PAG1: variants seen among roughly 807,000 people sequenced by gnomAD.
PAG1 encodes phosphoprotein associated with glycosphingolipid-enriched microdomains 1.
PAG1 carries 23 observed loss-of-function variants against 31.7 expected under a neutral mutation model. That is an observed-to-expected ratio of 0.73 (90% CI 0.52 to 1.03). The LOEUF (loss-of-function observed/expected upper bound fraction) is 1.03. Ranked by LOEUF, PAG1 falls within the 50% of genes least tolerant of loss-of-function variation. PAG1 has a pLI of 0.00. For synonymous variants in PAG1, 214 were observed against 210.3 expected, an observed-to-expected ratio of 1.02 and a Z score of -0.15; for missense variants, 473 against 540.7, an observed-to-expected ratio of 0.87 and a Z score of 1.24.
Position 81,004,900 on chromosome 8 carries a change from A to G in PAG1, c.-80-11593T>C, listed in dbSNP as rs186022141. Among the ~76,000 whole-genome samples the G allele has an allele frequency of 3.7e-4, 56 of 152,346 alleles. No individual in the cohort carries two copies. The East Asian group carries it at 0.01, about 28-fold the overall frequency. Reference sequence around the variant, plus strand: ...CCCACGCATGCACTTGACCACAGCCAGGGCCAGCCGGCCTCTGAGGATGGG... The same window carrying G: ...CCCACGCATGCACTTGACCACAGCCGGGGCCAGCCGGCCTCTGAGGATGGG... On this transcript the variant is annotated intron_variant, in intron 3 of 8. Transcript: ENST00000220597.
chr8:81,110,248 T>G (rs977176703), intron 1 of PAG1, among the ~76,000 whole-genome samples: 1 of 152,236 alleles, frequency 6.6e-6, no homozygotes, highest in South Asian at 2.1e-4. Context: ...TGTGTATATA[T>G]ATTTAGCAGG....
At chr8:81,016,762 CT>C (rs1207303186) in intron 3 of PAG1, among the ~76,000 whole-genome samples, 2 of 152,206 alleles carry the variant, frequency 1.3e-5, no homozygotes, top group African/African-American at 4.8e-5. Context: ...TTCCCCACTC[CT>C]TGTGTCTAGA....
At chr8:81,036,388 G>GAA (rs201460218) in intron 2 of PAG1, among the ~76,000 whole-genome samples, 1 of 150,708 alleles carries the variant, frequency 6.6e-6, no homozygotes, top group Non-Finnish European at 1.5e-5. Context: ...ACTTTTGGTA[G>GAA]AAAAAAAAAT....
At chr8:81,018,999 T>C (rs184572916) in intron 3 of PAG1, among the ~76,000 whole-genome samples, 1 of 152,208 alleles carries the variant, frequency 6.6e-6, no homozygotes, top group Admixed American at 6.5e-5. Flanking sequence ...GATAGTGATA[T>C]GGACAATAAA....
intron 3 of PAG1, among the ~76,000 whole-genome samples, chr8:81,012,382 T>C (rs1346155139): frequency 6.6e-6 from 1 of 152,212 alleles, no homozygotes; most frequent in Non-Finnish European, 1.5e-5. Flanking sequence ...GTCAGCTCCA[T>C]TCAGTATCTT....
At chr8:81,088,741 C>G (rs1167823951) in intron 1 of PAG1, among the ~76,000 whole-genome samples, 2 of 152,116 alleles carry the variant, frequency 1.3e-5, no homozygotes, top group Non-Finnish European at 2.9e-5. Context: ...AAGAAGCTAG[C>G]TTAACATGCC....
At chr8:81,037,001 T>C (rs1808472600) in intron 2 of PAG1, 1 of 151,856 alleles carries the variant, frequency 6.6e-6, no homozygotes, top group African/African-American at 2.4e-5. Flanking sequence ...CAAGAAAGAG[T>C]AGTTCACAGA....
intron 2 of PAG1, among the ~76,000 whole-genome samples, chr8:81,034,496 A>G (rs1808430727): frequency 6.6e-6 from 1 of 152,226 alleles, no homozygotes; most frequent in East Asian, 1.9e-4. Context: ...CTATGTTGCA[A>G]TGGAAATAAA....
At chr8:80,981,882 T>TTG (rs1563615068) in intron 7 of PAG1, among the ~76,000 whole-genome samples, 23 of 132,144 alleles carry the variant, frequency 1.7e-4, no homozygotes, top group Non-Finnish European at 2.0e-4. Context: ...TTTTTTTTTT[T>TTG]TTTGACAGCG....
At chr8:81,042,856 T>C (rs1036531862) in intron 2 of PAG1, among the ~76,000 whole-genome samples, 2 of 152,110 alleles carry the variant, frequency 1.3e-5, no homozygotes, top group Non-Finnish European at 2.9e-5. Context: ...GGTGGCTGTA[T>C]ACACTCTTTA....
At chr8:81,065,545 C>G (rs1808989499) in intron 2 of PAG1, among the ~76,000 whole-genome samples, 1 of 152,120 alleles carries the variant, frequency 6.6e-6, no homozygotes, top group Non-Finnish European at 1.5e-5. Context: ...ATGAAACTAG[C>G]TTTTACGTCA....
At chr8:81,076,440 C>T (rs1474049863) in intron 1 of PAG1, among the ~76,000 whole-genome samples, 2 of 152,198 alleles carry the variant, frequency 1.3e-5, no homozygotes, top group Non-Finnish European at 2.9e-5. Context: ...CCTATGTACA[C>T]ACACAGTGCT....
At chr8:81,012,719 A>G (rs895861058) in intron 3 of PAG1, among the ~76,000 whole-genome samples, 1 of 152,248 alleles carries the variant, frequency 6.6e-6, no homozygotes, top group Non-Finnish European at 1.5e-5. Context: ...TGAATATATT[A>G]TATATACATT....
chr8:81,054,308 G>A (rs1808778950), intron 2 of PAG1, among the ~76,000 whole-genome samples: 1 of 151,900 alleles, frequency 6.6e-6, no homozygotes, highest in South Asian at 2.1e-4. Flanking sequence ...TGAGAAATGG[G>A]GCAGGTTATT....
At position 80,974,234 on chromosome 8, in the gene PAG1, A is replaced by G. The variant is rs1019728856; in HGVS notation, c.*2310T>C. The G allele has an allele frequency of 3.3e-5, 5 of 151,684 alleles. No homozygotes were observed. The highest frequency in any genetic ancestry group is 1.2e-4 in the African/African-American group (5 of 41,242). 9.4% of individuals were successfully genotyped at this position (151,684 alleles called of 1,614,324 possible). A position where few individuals can be genotyped will look rare whatever the true frequency, so the allele number is the denominator to read the frequency against. ...GATAAGTAAGGCATGAAATGAAACAAAAGTTTTGAGCTGTAAGGTGCCTAT... is the reference window on the plus strand; with the variant it reads ...GATAAGTAAGGCATGAAATGAAACAGAAGTTTTGAGCTGTAAGGTGCCTAT... On this transcript the variant is annotated 3_prime_UTR_variant, in exon 9 of 9. Transcript: ENST00000220597.
intron 1 of PAG1, among the ~76,000 whole-genome samples, chr8:81,070,883 C>G (rs192897982): frequency 6.6e-6 from 1 of 152,068 alleles, no homozygotes; most frequent in African/African-American, 2.4e-5. Flanking sequence ...TAGAACTGTG[C>G]ATCTAAGTAG....
chr8:81,075,028 C>CACTGTCTGT, intron 1 of PAG1, among the ~76,000 whole-genome samples: 1 of 152,326 alleles, frequency 6.6e-6, no homozygotes, highest in East Asian at 1.9e-4. Flanking sequence ...AGCCTTCCCT[C>CACTGTCTGT]ACTGTCTGTA....
chr8:80,991,417 A>AT (rs1214302614), intron 5 of PAG1, 62 bp downstream of exon 5: 2 of 1,281,646 alleles, frequency 1.6e-6, no homozygotes, highest in Non-Finnish European at 2.3e-6. Flanking sequence ...GCACACTTAG[A>AT]TAAGTAGCTG....
At chr8:81,017,628 TTCTTTAA>T (rs1808094245) in intron 3 of PAG1, among the ~76,000 whole-genome samples, 1 of 152,212 alleles carries the variant, frequency 6.6e-6, no homozygotes, top group African/African-American at 2.4e-5. Context: ...GAAAATAATC[TTCTTTAA>T]AGAACTTCAC....
Sources: allele counts gnomAD v4.1 joint callset (sites outside exome capture counted in the v4.1 genomes callset), GRCh38; gene constraint gnomAD v4.1.1; transcripts MANE v1.5; gene names NCBI Gene and HGNC (gene_info 2026-07-23, HGNC 2026-07-21).